The following ETV6 variants were observed in gnomAD, a reference collection of about 807,000 sequenced individuals.
The protein encoded by ETV6 is transcription factor ETV6.
Under a neutral mutation model 51.1 loss-of-function variants are expected in ETV6, and 16 were observed. The observed-to-expected ratio is 0.31, with a 90% CI of 0.21 to 0.48. The LOEUF is 0.48. Ranked by LOEUF, ETV6 falls within the 20% of genes least tolerant of loss-of-function variation. The pLI is 0.99. For synonymous variants in ETV6, 240 were observed against 224.1 expected, an observed-to-expected ratio of 1.07 and a Z score of -0.64; for missense variants, 458 against 594.8, an observed-to-expected ratio of 0.77 and a Z score of 2.39.
At chr12:11,774,190 A>T (rs1945284136) in intron 2 of ETV6, among the ~76,000 whole-genome samples, 1 of 152,156 alleles carries the variant, frequency 6.6e-6, no homozygotes, top group Non-Finnish European at 1.5e-5. Context: ...AAAGGAGGAG[A>T]GTTAAATGAG....
chr12:11,834,477 C>T (rs1420282528), intron 2 of ETV6, among the ~76,000 whole-genome samples: 3 of 152,232 alleles, frequency 2.0e-5, no homozygotes, highest in East Asian at 3.8e-4. Context: ...CACCTGATGA[C>T]TAAGCCCTGT....
intron 1 of ETV6, among the ~76,000 whole-genome samples, chr12:11,699,062 C>T (rs1326312509): frequency 6.6e-6 from 1 of 152,180 alleles, no homozygotes; most frequent in African/African-American, 2.4e-5. Context: ...CAGGATTCTT[C>T]CTATCTTTTG....
At chr12:11,827,397 C>A (rs532128126) in intron 2 of ETV6, among the ~76,000 whole-genome samples, 13 of 152,260 alleles carry the variant, frequency 8.5e-5, no homozygotes, top group African/African-American at 2.4e-4. Flanking sequence ...CAGTGGAATT[C>A]TCCTTAAAAA....
intron 1 of ETV6, among the ~76,000 whole-genome samples, chr12:11,730,740 G>A (rs755543762): frequency 9.8e-5 from 15 of 152,338 alleles, no homozygotes; most frequent in African/African-American, 3.4e-4. Flanking sequence ...GCTTTGGAGT[G>A]TACAACAATC....
chr12:11,806,451 T>G (rs1402131007), intron 2 of ETV6, among the ~76,000 whole-genome samples: 1 of 152,170 alleles, frequency 6.6e-6, no homozygotes, highest in African/African-American at 2.4e-5. Context: ...ACTGAGAAGC[T>G]TATCAGTTGG....
At chr12:11,735,324 G>A (rs1190683766) in intron 1 of ETV6, among the ~76,000 whole-genome samples, 4 of 152,098 alleles carry the variant, frequency 2.6e-5, no homozygotes, top group Non-Finnish European at 5.9e-5. Context: ...ATGTCTCTGC[G>A]AGTTACGGTT....
chr12:11,687,892 T>A (rs1864666951), intron 1 of ETV6, among the ~76,000 whole-genome samples: 1 of 152,192 alleles, frequency 6.6e-6, no homozygotes, highest in Non-Finnish European at 1.5e-5. Flanking sequence ...ATGATAACAA[T>A]GGTAGCAACA....
chr12:11,817,314 G>A (rs16907342), intron 2 of ETV6, among the ~76,000 whole-genome samples: 11,839 of 152,166 alleles, frequency 0.078, 834 homozygotes, highest in African/African-American at 0.18. Context: ...ACTTATTCTC[G>A]TAGAAGCAAA....
At chr12:11,760,108 G>A (rs1373091700) in intron 2 of ETV6, among the ~76,000 whole-genome samples, 1 of 152,208 alleles carries the variant, frequency 6.6e-6, no homozygotes, top group Non-Finnish European at 1.5e-5. Context: ...TCTGAAGGAG[G>A]GGTAGAGCAG....
chr12:11,760,878 A>ATGTGTGTGTGTGTGTGTGTG (rs59373097), intron 2 of ETV6, among the ~76,000 whole-genome samples: 12 of 148,424 alleles, frequency 8.1e-5, no homozygotes, highest in Admixed American at 1.3e-4. Context: ...TATTATATAT[A>ATGTGTGTGTGTGTGTGTGTG]TGTGTGTGTG....
At chr12:11,797,684 G>C (rs1945698791) in intron 2 of ETV6, among the ~76,000 whole-genome samples, 1 of 152,168 alleles carries the variant, frequency 6.6e-6, no homozygotes. Context: ...CCCGGAGTCT[G>C]GGTGGAGCTG....
chr12:11,657,228 T>C (rs2120622935), intron 1 of ETV6, among the ~76,000 whole-genome samples: 2 of 152,320 alleles, frequency 1.3e-5, no homozygotes, highest in South Asian at 2.1e-4. Context: ...CTGAGTCTTG[T>C]GGCGTTTAAA....
chr12:11,822,459 T>C (rs562891507), intron 2 of ETV6, among the ~76,000 whole-genome samples: 2 of 152,376 alleles, frequency 1.3e-5, no homozygotes, highest in Admixed American at 6.5e-5. Context: ...CCTGGTCTTA[T>C]TCATCTGTAG....
At position 11,771,272 on chromosome 12, in the gene ETV6, G is replaced by A. The variant is rs142578168; in HGVS notation, c.163+18693G>A. Among the ~76,000 whole-genome samples, 13 of 152,352 alleles carry A rather than the reference G, an allele frequency of 8.5e-5. No individual in the cohort carries two copies. The East Asian group carries it at 2.3e-3, about 27-fold the overall frequency. ...AATTTTGTTTCTTTGGTCAACTAAT[G>A]TAAGAACTGAGTCTGTAACTCTAAC... On this transcript the variant is annotated intron_variant, in intron 2 of 7. Transcript: ENST00000396373.
intron 1 of ETV6, among the ~76,000 whole-genome samples, chr12:11,724,730 T>C (rs1865455778): frequency 6.6e-6 from 1 of 152,212 alleles, no homozygotes; most frequent in Non-Finnish European, 1.5e-5. Flanking sequence ...GGGAAAATTG[T>C]TGAAACAGTT....
chr12:11,703,359 A>G, intron 1 of ETV6, among the ~76,000 whole-genome samples: 1 of 152,168 alleles, frequency 6.6e-6, no homozygotes, highest in East Asian at 1.9e-4. Flanking sequence ...GTGTATAAAT[A>G]TAGAAGATGA....
intron 2 of ETV6, among the ~76,000 whole-genome samples, chr12:11,786,365 G>T (rs1945485394): frequency 6.7e-6 from 1 of 149,854 alleles, no homozygotes. Flanking sequence ...CCTAATTAAA[G>T]ATATATATAC....
At chr12:11,690,759 C>T (rs184879648) in intron 1 of ETV6, among the ~76,000 whole-genome samples, 136 of 151,834 alleles carry the variant, frequency 9.0e-4, no homozygotes, top group African/African-American at 3.1e-3. Flanking sequence ...TGGTGGCGGG[C>T]GCCGGTAGTC....
At chr12:11,838,657 C>T (rs1234441327) in intron 2 of ETV6, among the ~76,000 whole-genome samples, 2 of 152,322 alleles carry the variant, frequency 1.3e-5, no homozygotes, top group Non-Finnish European at 2.9e-5. Flanking sequence ...AGCTCTGGAA[C>T]ATTCTTTCTT....
Sources: gnomAD v4.1 joint callset for allele counts (sites outside exome capture counted in the v4.1 genomes callset) on GRCh38, gnomAD v4.1.1 for gene constraint, MANE v1.5 for transcripts, NCBI Gene and HGNC (gene_info 2026-07-23, HGNC 2026-07-21) for gene names.